The following ZNF33B variants were observed in gnomAD, a reference collection of about 807,000 sequenced individuals.
ZNF33B encodes zinc finger protein 11b (KOX 2).
ZNF33B carries 29 observed loss-of-function variants against 45.8 expected under a neutral mutation model. That is an observed-to-expected ratio of 0.63 (90% CI 0.47 to 0.86). The LOEUF (loss-of-function observed/expected upper bound fraction) is 0.86, where lower values mean the gene tolerates loss of function less well. Among genes scored for constraint, ZNF33B ranks in the 40% least tolerant of loss-of-function variants. The pLI is 0.00. For missense variants in ZNF33B, 831 were observed against 909.9 expected, an observed-to-expected ratio of 0.91 and a Z score of 1.12; for synonymous variants, 305 against 307.8, an observed-to-expected ratio of 0.99 and a Z score of 0.10.
At chr10:42,601,680 G>A (rs920906519) in intron 4 of ZNF33B, among the ~76,000 whole-genome samples, 8 of 151,346 alleles carry the variant, frequency 5.3e-5, no homozygotes, top group Non-Finnish European at 1.2e-4. Flanking sequence ...TGCCACGTTC[G>A]CCAAGATAGT....
At chr10:42,612,480 T>C (rs1443470097) in intron 4 of ZNF33B, among the ~76,000 whole-genome samples, 1 of 152,048 alleles carries the variant, frequency 6.6e-6, no homozygotes, top group Admixed American at 6.6e-5. Context: ...AGGTGATCCA[T>C]TCACCTCAGC....
chr10:42,574,741 G>A (rs373559333), intron 1 of ZNF33B: 1 of 152,104 alleles, frequency 6.6e-6, no homozygotes, highest in East Asian at 1.9e-4. Context: ...ACACAGGTCT[G>A]TTTTTTCTCT....
In ZNF33B at chr10:42,637,827, A is replaced by AATACT. The variant is rs547915632; in HGVS notation, c.-45+646_-45+647insAGTAT. ...GCCACCACGCATGGCTACTTTTAGT[A>AATACT]TTTTTAGTAGAGACGGGGATTTGCC... On this transcript the variant is annotated intron_variant, in intron 1 of 4. Transcript: ENST00000359467. Among the ~76,000 whole-genome samples the AATACT allele has an allele frequency of 1.1e-4, 17 of 152,166 alleles. No individual in the cohort carries two copies. In the East Asian group the frequency reaches 3.3e-3, roughly 29 times the overall value.
intron 4 of ZNF33B, among the ~76,000 whole-genome samples, chr10:42,619,192 C>T (rs1481170159): frequency 6.6e-6 from 1 of 151,098 alleles, no homozygotes; most frequent in African/African-American, 2.4e-5. Flanking sequence ...TAAAGGTTTA[C>T]AGTAACCAAG....
At chr10:42,631,435 C>T (rs997017908) in intron 4 of ZNF33B, among the ~76,000 whole-genome samples, 1 of 152,148 alleles carries the variant, frequency 6.6e-6, no homozygotes, top group African/African-American at 2.4e-5. Flanking sequence ...AAACTCCTGA[C>T]CTCAAGTGAT....
At chr10:42,580,589 A>G (rs1820846689) in intron 1 of ZNF33B, among the ~76,000 whole-genome samples, 1 of 152,000 alleles carries the variant, frequency 6.6e-6, no homozygotes, top group Admixed American at 6.6e-5. Flanking sequence ...TTAGTGCCTG[A>G]TCCCATTTTG....
At position 42,593,304 on chromosome 10, in the gene ZNF33B, CCT is replaced by C. The variant is rs753516714; in HGVS notation, c.1644_1645del (p.Lys551ThrfsTer6). The C allele has an allele frequency of 8.1e-6, 13 of 1,613,874 alleles. No individual in the cohort carries two copies. Among genetic ancestry groups the C allele is most frequent in the African/African-American group, 4.0e-5 (3 of 74,874 alleles). ...TTCAGGACATGCAAAGGGTTTCTCC[CCT>C]GTGTGCGTTCTCTGATGTATTGTGA... is the stretch of plus-strand genomic sequence containing the variant. On this transcript the variant is annotated frameshift_variant, in exon 5 of 5. Coordinates refer to ENST00000359467, the MANE Select transcript of ZNF33B (RefSeq NM_006955.3). LOFTEE classifies it high-confidence loss of function.
At chr10:42,583,166 C>T (rs750685266) in intron 1 of ZNF33B, 1 of 781,190 alleles carries the variant, frequency 1.3e-6, no homozygotes, top group South Asian at 1.3e-5. Flanking sequence ...TTGAAAATGT[C>T]TGTCTTAGGG....
intron 4 of ZNF33B, among the ~76,000 whole-genome samples, chr10:42,603,992 C>T (rs1318301927): frequency 1.3e-5 from 2 of 152,144 alleles, no homozygotes; most frequent in African/African-American, 4.8e-5. Context: ...AGAGAAAGTA[C>T]AAAGTATTCT....
chr10:42,628,561 T>G (rs1298506081), intron 4 of ZNF33B, among the ~76,000 whole-genome samples: 1 of 152,262 alleles, frequency 6.6e-6, no homozygotes, highest in Non-Finnish European at 1.5e-5. Flanking sequence ...ATTGATCCTT[T>G]TATCATTATA....
downstream of ZNF33B, among the ~76,000 whole-genome samples, chr10:42,587,828 A>G (rs1423585957): frequency 6.6e-6 from 1 of 152,142 alleles, no homozygotes; most frequent in Non-Finnish European, 1.5e-5. Flanking sequence ...CAGCACCTGG[A>G]CCATGGGCCA....
intron 4 of ZNF33B, among the ~76,000 whole-genome samples, chr10:42,620,937 A>C (rs116785037): frequency 0.017 from 2,547 of 152,226 alleles, 77 homozygotes; most frequent in African/African-American, 0.058. Context: ...AATAAGATAT[A>C]AAAATTATAA....
chr10:42,593,445 C>A lies in ZNF33B; in HGVS notation c.1505G>T (p.Cys502Phe), dbSNP rs1336931219. 1.2e-6 allele frequency: 2 copies of A among 1,613,972 alleles called. No homozygotes were observed. Among genetic ancestry groups the A allele is most frequent in the African/African-American group, 1.3e-5 (1 of 74,908 alleles). Reference protein sequence around the residue: ...IGDKPYECNACGKTFYHKSVL... With the variant: ...IGDKPYECNAFGKTFYHKSVL... ...TGACTTGTGGTAGAAAGTTTTCCCA[C>A]ATGCATTACATTCATAAGGTTTATC... Residue 502 changes from cysteine to phenylalanine, a missense_variant, in exon 5 of 5, where the codon TGT (cysteine) becomes TTT (phenylalanine). Coordinates refer to ENST00000359467, the MANE Select transcript of ZNF33B (RefSeq NM_006955.3).
At chr10:42,610,282 T>A (rs1404897076) in intron 4 of ZNF33B, among the ~76,000 whole-genome samples, 1 of 152,192 alleles carries the variant, frequency 6.6e-6, no homozygotes, top group Non-Finnish European at 1.5e-5. Flanking sequence ...AAGCCTGTAA[T>A]CCCAGCACTT....
At chr10:42,610,525 C>CA (rs1467424984) in intron 4 of ZNF33B, among the ~76,000 whole-genome samples, 6 of 152,078 alleles carry the variant, frequency 3.9e-5, no homozygotes, top group Admixed American at 1.3e-4. Context: ...GCAATAAGAG[C>CA]AAAACTCTGT....
At chr10:42,630,382 T>C (rs570307706) in intron 4 of ZNF33B, among the ~76,000 whole-genome samples, 1 of 152,360 alleles carries the variant, frequency 6.6e-6, no homozygotes, top group South Asian at 2.1e-4. Context: ...CTGGCTACTT[T>C]GAAATTTTTT....
Position 42,593,164 on chromosome 10 carries a change from G to C in ZNF33B, c.1786C>G (p.Leu596Val). The C allele has an allele frequency of 6.2e-7, 1 of 1,613,286 alleles. No homozygotes were observed. Among genetic ancestry groups the C allele is most frequent in the South Asian group, 1.1e-5 (1 of 91,068 alleles). Residue 596 changes from leucine (L) to valine (V), a missense_variant, in exon 5 of 5, where the codon CTA (leucine) becomes GTA (valine). Coordinates refer to ENST00000359467, the MANE Select transcript of ZNF33B (RefSeq NM_006955.3). ...CGKIFYNKSY[L>V]TKHNRTHTGE... is the part of the protein sequence containing the mutation. ...GTATGTGTTCTATTATGTTTTGTTA[G>C]GTATGATTTATTGTAAAAGATTTTT...
intron 2 of ZNF33B, among the ~76,000 whole-genome samples, chr10:42,633,820 T>C (rs1839162585): frequency 6.6e-6 from 1 of 151,796 alleles, no homozygotes; most frequent in Non-Finnish European, 1.5e-5. Context: ...ATACAAAAAA[T>C]TAGCCAGGCG....
chr10:42,574,958 G>A (rs183915303), intron 1 of ZNF33B, among the ~76,000 whole-genome samples: 1 of 152,198 alleles, frequency 6.6e-6, no homozygotes, highest in Admixed American at 6.5e-5. Flanking sequence ...AGTTTATCAT[G>A]GAAACTGTCA....
Sources: allele counts gnomAD v4.1 joint callset (sites outside exome capture counted in the v4.1 genomes callset), GRCh38; gene constraint gnomAD v4.1.1; transcripts MANE v1.5; gene names NCBI Gene and HGNC (gene_info 2026-07-23, HGNC 2026-07-21).